The following QSER1 variants were observed in gnomAD, a reference collection of about 807,000 sequenced individuals.
QSER1 encodes the protein glutamine and serine-rich protein 1.
A neutral mutation model predicts 158.5 loss-of-function variants in QSER1; 49 were observed. That is an observed-to-expected ratio of 0.31 (90% CI 0.25 to 0.39). The LOEUF (loss-of-function observed/expected upper bound fraction) is 0.39. Ranked by LOEUF, QSER1 falls within the 10% of genes least tolerant of loss-of-function variation. QSER1 has a pLI of 1.00. For synonymous variants in QSER1, 650 were observed against 715.5 expected (o/e 0.91, Z 1.46); for missense variants, 1,754 against 2,010.3 (o/e 0.87, Z 2.44).
intron 1 of QSER1, among the ~76,000 whole-genome samples, chr11:32,924,836 G>T (rs1352568140): frequency 6.6e-6 from 1 of 152,134 alleles, no homozygotes; most frequent in Non-Finnish European, 1.5e-5. Context: ...TGTCACCTGG[G>T]TACTGAGCAT....
chr11:32,905,755 A>C (rs1364040988), intron 1 of QSER1, among the ~76,000 whole-genome samples: 1 of 152,172 alleles, frequency 6.6e-6, no homozygotes, highest in Non-Finnish European at 1.5e-5. Flanking sequence ...TTTAAAAGCT[A>C]ATCTAGTATA....
chr11:32,937,793 C>A (rs951416518), intron 4 of QSER1, among the ~76,000 whole-genome samples: 1 of 152,152 alleles, frequency 6.6e-6, no homozygotes, highest in African/African-American at 2.4e-5. Context: ...TTGAATTTTT[C>A]ATTGTTTCTT....
chr11:32,895,541 A>G (rs535397034), intron 1 of QSER1, among the ~76,000 whole-genome samples: 16 of 152,322 alleles, frequency 1.1e-4, no homozygotes, highest in Admixed American at 9.8e-4. Context: ...TTTTTATACC[A>G]TTTTAAAAAG....
intron 1 of QSER1, among the ~76,000 whole-genome samples, chr11:32,901,969 G>C (rs897743235): frequency 2.0e-5 from 3 of 152,180 alleles, no homozygotes; most frequent in Non-Finnish European, 4.4e-5. Context: ...TGTGGTCCCA[G>C]CTACTTAGAA....
At position 32,969,104 on chromosome 11, in the gene QSER1, G is replaced by A. The variant is rs770981569; in HGVS notation, c.5166G>A (p.Lys1722=). ...KIDGMLNDNR[K]RLLLNLHLDQ... Reference sequence around the variant, plus strand: ...ATGGCATGCTAAATGATAACCGAAAGAGACTTCTTTTGAATCTTCATTTGG... The same window carrying A: ...ATGGCATGCTAAATGATAACCGAAAAAGACTTCTTTTGAATCTTCATTTGG... Residue 1722 remains lysine (K), a synonymous_variant, in exon 10 of 13, where the codon AAG becomes AAA. Transcript: ENST00000650167. The A allele has an allele frequency of 4.4e-6, 7 of 1,597,874 alleles. No individual in the cohort carries two copies. In the Admixed American group the frequency reaches 1.2e-4, roughly 28 times the overall value.
At position 32,932,987 on chromosome 11, in the gene QSER1, T is replaced by C; in HGVS notation, c.1729T>C (p.Ser577Pro). ...GACACAGGTTAGCTATTCATCTCAATCACAAGTTTTGTCAGTTGTTAGTCT... is the reference window on the plus strand; with the variant it reads ...GACACAGGTTAGCTATTCATCTCAACCACAAGTTTTGTCAGTTGTTAGTCT... The part of the protein sequence containing the change: ...SQTQVSYSSQ[S>P]QVLSVVSLSE... Residue 577 changes from serine (S) to proline (P), a missense_variant, in exon 4 of 13, where the codon TCA becomes CCA. Ser to Pro is a moderately conservative substitution (Grantham distance 74). This residue lies in a region of QSER1 where 1,707 missense variants were observed against 1,919.6 expected (regional missense o/e 0.89). Coordinates refer to ENST00000650167, the MANE Select transcript of QSER1 (RefSeq NM_001076786.3). 1 of 1,612,660 alleles carries C rather than the reference T, an allele frequency of 6.2e-7. No homozygotes were observed. The highest frequency in any genetic ancestry group is 8.5e-7 in the Non-Finnish European group (1 of 1,179,984).
At position 32,931,889 on chromosome 11, in the gene QSER1, G is replaced by T. The variant is rs1350340494; in HGVS notation, c.631G>T (p.Asp211Tyr). 1 of 1,613,982 alleles carries T rather than the reference G, an allele frequency of 6.2e-7. No individual in the cohort carries two copies. Among genetic ancestry groups the T allele is most frequent in the Non-Finnish European group, 8.5e-7 (1 of 1,180,024 alleles). ...TACCACTTCACCTTTGGTGCTTCAG[G>T]ATTCAACTTTTAACACTACATCAAA... ...FATTSPLVLQDSTFNTTSNGI... is the reference protein window; with the variant it reads ...FATTSPLVLQYSTFNTTSNGI... Residue 211 changes from aspartate (D) to tyrosine (Y), a missense_variant, in exon 4 of 13, where the codon GAT (aspartate) becomes TAT (tyrosine). By Grantham distance (160) the Asp-to-Tyr change is radical (BLOSUM62 -3). Coordinates refer to ENST00000650167, the MANE Select transcript of QSER1 (RefSeq NM_001076786.3).
In QSER1 at chr11:32,931,817, C is replaced by G; in HGVS notation, c.559C>G (p.Leu187Val). ...LPSTGTLPPSLSAYQHPTTFS... is the reference protein window; with the variant it reads ...LPSTGTLPPSVSAYQHPTTFS... ...AAGCACTGGAACACTTCCACCATCT[C>G]TCTCTGCTTATCAGCATCCCACCAC... Residue 187 changes from leucine to valine, a missense_variant, in exon 4 of 13, where the codon CTC becomes GTC. Coordinates refer to ENST00000650167, the MANE Select transcript of QSER1 (RefSeq NM_001076786.3). 1 of 1,614,170 alleles carries G rather than the reference C, an allele frequency of 6.2e-7. No homozygotes were observed. Among genetic ancestry groups the G allele is most frequent in the Non-Finnish European group, 8.5e-7 (1 of 1,180,008 alleles).
At chr11:32,898,181 T>C (rs1314133000) in intron 1 of QSER1, among the ~76,000 whole-genome samples, 1 of 152,222 alleles carries the variant, frequency 6.6e-6, no homozygotes, top group Non-Finnish European at 1.5e-5. Context: ...GGGTCACATT[T>C]TTAAACATCT....
Position 32,934,050 on chromosome 11 carries a change from C to T in QSER1, c.2792C>T (p.Ser931Leu). Residue 931 changes from serine to leucine, a missense_variant, in exon 4 of 13, where the codon TCA becomes TTA. Physicochemically the swap from Ser to Leu is moderately radical, Grantham distance 145. Coordinates refer to ENST00000650167, the MANE Select transcript of QSER1 (RefSeq NM_001076786.3). Reference sequence around the variant, plus strand: ...ATGAAAATGGACCTCTCTGAGTCTTCAAAACCATTACAACAACATCTAACA... The same window carrying T: ...ATGAAAATGGACCTCTCTGAGTCTTTAAAACCATTACAACAACATCTAACA... ...EVMKMDLSES[S>L]KPLQQHLTTK... is the part of the protein sequence containing the mutation. 1 of 1,613,834 alleles carries T rather than the reference C, an allele frequency of 6.2e-7. No homozygotes were observed. The highest frequency in any genetic ancestry group is 8.5e-7 in the Non-Finnish European group (1 of 1,179,936).
intron 4 of QSER1, among the ~76,000 whole-genome samples, chr11:32,953,064 G>C (rs1352712028): frequency 6.6e-6 from 1 of 152,040 alleles, no homozygotes. Flanking sequence ...GCCTCCCAAA[G>C]TGCTGGGATT....
chr11:32,934,526 G>C lies in QSER1; in HGVS notation c.3268G>C (p.Ala1090Pro). 6.2e-7 allele frequency: 1 copy of C among 1,613,604 alleles called. No individual in the cohort carries two copies. The highest frequency in any genetic ancestry group is 2.2e-5 in the East Asian group (1 of 44,882). The change falls in exon 4 of 13, where the codon GCA becomes CCA. Residue 1090 changes from alanine to proline, a missense_variant. Coordinates refer to ENST00000650167, the MANE Select transcript of QSER1 (RefSeq NM_001076786.3). ...GQNIPTKVTSAVVGPSHEVQE... is the reference protein window; with the variant it reads ...GQNIPTKVTSPVVGPSHEVQE... ...AAATATACCAACTAAAGTAACTTCA[G>C]CAGTGGTTGGACCAAGTCATGAAGT...
chr11:32,971,781 G>A (rs576311479), intron 10 of QSER1, among the ~76,000 whole-genome samples: 10 of 151,882 alleles, frequency 6.6e-5, no homozygotes, highest in East Asian at 1.9e-4. Context: ...TACCGTTTTC[G>A]GGACTGGCGC....
chr11:32,964,275 C>T (rs1274750616), intron 8 of QSER1, among the ~76,000 whole-genome samples: 1 of 152,126 alleles, frequency 6.6e-6, no homozygotes, highest in Non-Finnish European at 1.5e-5. Context: ...ATGCCCAGCC[C>T]CTAGGACTAT....
At chr11:32,906,832 A>G (rs1461629314) in intron 1 of QSER1, among the ~76,000 whole-genome samples, 2 of 152,208 alleles carry the variant, frequency 1.3e-5, no homozygotes, top group Admixed American at 6.5e-5. Context: ...GTCTTCTTTC[A>G]TGCATATCCC....
chr11:32,934,763 A>AG lies in QSER1; in HGVS notation c.3507dup (p.Ser1170GlufsTer20), dbSNP rs1406854642. On this transcript the variant is annotated frameshift_variant, in exon 4 of 13. Transcript: ENST00000650167. LOFTEE classifies it high-confidence loss of function. ...CAGTGGTGTGTCAATGAACCCAGCT[A>AG]GGAGTGCACTTGCACTGTTGGCCAT... 1 of 1,614,060 alleles carries AG rather than the reference A, an allele frequency of 6.2e-7. No homozygotes were observed. Among genetic ancestry groups the AG allele is most frequent in the Non-Finnish European group, 8.5e-7 (1 of 1,179,982 alleles).
chr11:32,932,478 C>T lies in QSER1; in HGVS notation c.1220C>T (p.Thr407Ile), dbSNP rs372557061. Residue 407 changes from threonine to isoleucine, a missense_variant, in exon 4 of 13, where the codon ACA (threonine) becomes ATA (isoleucine). Thr to Ile is a moderately conservative substitution (Grantham distance 89). Transcript: ENST00000650167. The stretch of plus-strand genomic sequence containing the variant: ...TCATCAGGGTATCCTCCTTCTACTA[C>T]AAAAATAAAAAGCTGTTCTACAGAA... ...IPSSGYPPSTTKIKSCSTEQP... is the reference protein window; with the variant it reads ...IPSSGYPPSTIKIKSCSTEQP... The T allele has an allele frequency of 1.1e-5, 18 of 1,613,604 alleles. No individual in the cohort carries two copies. In the African/African-American group the frequency reaches 2.0e-4, roughly 18 times the overall value.
intron 8 of QSER1, among the ~76,000 whole-genome samples, chr11:32,960,314 TG>T (rs1852599635): frequency 6.6e-6 from 1 of 152,164 alleles, no homozygotes; most frequent in South Asian, 2.1e-4. Context: ...CCCAGCACTT[TG>T]GGAGGCTGAG....
chr11:32,915,775 T>G lies in QSER1; in HGVS notation c.210-11382T>G, dbSNP rs117358556. 9.4e-4 allele frequency among the ~76,000 whole-genome samples: 143 copies of G among 152,360 alleles called. 1 individual carries two copies. In the East Asian group the frequency reaches 0.026, roughly 27 times the overall value. On this transcript the variant is annotated intron_variant, in intron 1 of 12. Transcript: ENST00000650167. Reference sequence around the variant, plus strand: ...AGCACAGATTTTTAAAAAACATTATTATATGGTATATGGAGATGGGCCAAC... The same window carrying G: ...AGCACAGATTTTTAAAAAACATTATGATATGGTATATGGAGATGGGCCAAC...
Sources: gnomAD v4.1 joint callset for allele counts (sites outside exome capture counted in the v4.1 genomes callset) on GRCh38, gnomAD v4.1.1 for gene constraint, gnomAD v4.1.1 regional missense constraint, MANE v1.5 for transcripts, NCBI Gene and HGNC (gene_info 2026-07-23, HGNC 2026-07-21) for gene names.